Variants in PALM2AKAP2 observed in about 807,000 individuals in gnomAD.
PALM2AKAP2 encodes PALM2-AKAP2 fusion protein.
Under a neutral mutation model 71.5 loss-of-function variants are expected in PALM2AKAP2, and 37 were observed. The ratio of observed to expected loss-of-function variants is 0.52; its 90% confidence interval spans 0.40 to 0.68. The LOEUF is 0.68. Ranked by LOEUF, PALM2AKAP2 falls within the 30% of genes least tolerant of loss-of-function variation. The pLI is 0.00. For synonymous variants in PALM2AKAP2, 468 were observed against 478.8 expected, an observed-to-expected ratio of 0.98 and a Z score of 0.29; for missense variants, 1,224 against 1,191.8, an observed-to-expected ratio of 1.03 and a Z score of -0.40.
chr9:109,971,959 C>G (rs1832077658), intron 6 of PALM2AKAP2, among the ~76,000 whole-genome samples: 4 of 152,204 alleles, frequency 2.6e-5, no homozygotes, highest in Admixed American at 2.6e-4. Flanking sequence ...ATGCTGCCTA[C>G]TCTCTGAAGC....
At chr9:109,802,099 C>T (rs530131901) in intron 1 of PALM2AKAP2, among the ~76,000 whole-genome samples, 18 of 152,316 alleles carry the variant, frequency 1.2e-4, no homozygotes, top group African/African-American at 4.1e-4. Context: ...ATTCTTCTCA[C>T]TGTGGGATGG....
Position 109,669,381 on chromosome 9 carries a change from C to T in PALM2AKAP2, c.5+28515C>T, listed in dbSNP as rs537609657. ...TCTGTCAGGCTTCTTTATCTATGTT[C>T]GTGAACAAATATTGTTGTAATTTTT... is the stretch of plus-strand genomic sequence containing the variant. On this transcript the variant is annotated intron_variant, in intron 1 of 6. Coordinates refer to the PALM2AKAP2 transcript ENST00000374531. 2.6e-5 allele frequency among the ~76,000 whole-genome samples: 4 copies of T among 151,732 alleles called. 1 individual carries two copies. The highest frequency in any genetic ancestry group is 2.0e-4 in the Admixed American group (3 of 15,254).
intron 1 of PALM2AKAP2, among the ~76,000 whole-genome samples, chr9:109,663,499 G>A (rs886682459): frequency 9.9e-5 from 15 of 152,200 alleles, no homozygotes; most frequent in African/African-American, 3.4e-4. Flanking sequence ...GTGTGGTTTT[G>A]AGTGAGTTTC....
intron 1 of PALM2AKAP2, among the ~76,000 whole-genome samples, chr9:110,095,095 C>T (rs73532129): frequency 0.043 from 6,526 of 152,204 alleles, 480 homozygotes; most frequent in African/African-American, 0.15. Context: ...CAGAAAGCAA[C>T]GATTCTGAGA....
chr9:109,867,678 C>T, intron 2 of PALM2AKAP2, 107 bp downstream of exon 2: 1 of 1,298,854 alleles, frequency 7.7e-7, no homozygotes, highest in South Asian at 1.5e-5. Context: ...GCCAACCAAA[C>T]CAGCCTTTTT....
intron 6 of PALM2AKAP2, chr9:109,945,743 G>A (rs1030392306): frequency 6.6e-6 from 1 of 152,196 alleles, no homozygotes; most frequent in Admixed American, 6.5e-5. Context: ...AAGCTTGCTG[G>A]TTGATAAACA....
chr9:109,803,880 G>A (rs990131253), intron 1 of PALM2AKAP2, among the ~76,000 whole-genome samples: 28 of 152,336 alleles, frequency 1.8e-4, no homozygotes, highest in South Asian at 8.3e-4. Flanking sequence ...CTAAACAAAG[G>A]CAGTGGCTGT....
intron 1 of PALM2AKAP2, among the ~76,000 whole-genome samples, chr9:110,110,614 T>C (rs1835225890): frequency 6.7e-6 from 1 of 149,994 alleles, no homozygotes; most frequent in South Asian, 2.1e-4. Flanking sequence ...TGGTACGATC[T>C]TGGCTCACTG....
At chr9:110,120,193 T>G (rs1195112794) in intron 1 of PALM2AKAP2, among the ~76,000 whole-genome samples, 1 of 152,232 alleles carries the variant, frequency 6.6e-6, no homozygotes, top group East Asian at 1.9e-4. Context: ...TTCACTGTTA[T>G]AAATAAGATT....
intron 1 of PALM2AKAP2, chr9:109,760,417 G>A (rs1457756072): frequency 2.6e-5 from 4 of 152,234 alleles, no homozygotes; most frequent in Admixed American, 6.5e-5. Context: ...CACGTCCAAC[G>A]TCTCCAGCAT....
intron 3 of PALM2AKAP2, among the ~76,000 whole-genome samples, chr9:109,900,777 C>A (rs1306802480): frequency 6.6e-6 from 1 of 152,124 alleles, no homozygotes; most frequent in Admixed American, 6.5e-5. Flanking sequence ...GTACTTGAGT[C>A]CCATCATTTG....
At chr9:109,814,793 CA>C (rs1179405993) in intron 1 of PALM2AKAP2, among the ~76,000 whole-genome samples, 1 of 152,182 alleles carries the variant, frequency 6.6e-6, no homozygotes, top group Non-Finnish European at 1.5e-5. Flanking sequence ...ATTGCATAAG[CA>C]GTTCCCTGTA....
intron 3 of PALM2AKAP2, among the ~76,000 whole-genome samples, chr9:110,158,716 GA>G (rs1836523883): frequency 6.6e-6 from 1 of 152,170 alleles, no homozygotes; most frequent in African/African-American, 2.4e-5. Flanking sequence ...TTTTGAAAAA[GA>G]AAGAGACCTA....
chr9:110,037,395 G>A lies in PALM2AKAP2; in HGVS notation c.582+21356G>A, dbSNP rs185787885. On this transcript the variant is annotated intron_variant, in intron 7 of 9. Coordinates refer to the PALM2AKAP2 transcript ENST00000302798. ...CTAATTTTGTATTTTTAGTAGGGAC[G>A]GGGTTACTCCACGTTGGTTAGGCTG... Among the ~76,000 whole-genome samples, 17 of 152,206 alleles carry A rather than the reference G, an allele frequency of 1.1e-4. No individual in the cohort carries two copies. The East Asian group carries it at 3.1e-3, about 28-fold the overall frequency.
intron 1 of PALM2AKAP2, among the ~76,000 whole-genome samples, chr9:109,766,050 G>A (rs1829147834): frequency 1.3e-5 from 2 of 152,180 alleles, no homozygotes; most frequent in South Asian, 2.1e-4. Flanking sequence ...AGGCAGGCAG[G>A]CTGTCTTGGG....
intron 6 of PALM2AKAP2, among the ~76,000 whole-genome samples, chr9:110,005,846 T>C (rs1832769965): frequency 6.6e-6 from 1 of 152,218 alleles, no homozygotes; most frequent in Non-Finnish European, 1.5e-5. Flanking sequence ...TACAATCTCC[T>C]GGTGTGCCGT....
chr9:110,023,036 C>T (rs1470865020), intron 7 of PALM2AKAP2, among the ~76,000 whole-genome samples: 3 of 152,050 alleles, frequency 2.0e-5, no homozygotes, highest in African/African-American at 7.2e-5. Context: ...CCACAATAAA[C>T]ATACGTGTGC....
intron 3 of PALM2AKAP2, among the ~76,000 whole-genome samples, chr9:110,164,671 C>T (rs951275827): frequency 2.0e-5 from 3 of 151,898 alleles, no homozygotes; most frequent in Non-Finnish European, 4.4e-5. Flanking sequence ...GCTGGGACTA[C>T]AGGTGGCAGC....
At chr9:110,107,767 A>G (rs1217546720) in intron 1 of PALM2AKAP2, among the ~76,000 whole-genome samples, 1 of 152,130 alleles carries the variant, frequency 6.6e-6, no homozygotes, top group African/African-American at 2.4e-5. Context: ...AGGTTTCACC[A>G]TGTTAGCCAG....
Sources: allele counts gnomAD v4.1 joint callset (sites outside exome capture counted in the v4.1 genomes callset), GRCh38; gene constraint gnomAD v4.1.1; transcripts MANE v1.5; gene names NCBI Gene and HGNC (gene_info 2026-07-23, HGNC 2026-07-21).